Variants in UNC13C observed in about 807,000 individuals in gnomAD.
The protein encoded by UNC13C is protein unc-13 homolog C.
A neutral mutation model predicts 245.4 loss-of-function variants in UNC13C; 174 were observed. The ratio of observed to expected loss-of-function variants is 0.71; its 90% CI spans 0.63 to 0.80. The LOEUF is 0.80. Ranked by LOEUF, UNC13C falls within the 30% of genes least tolerant of loss-of-function variation. The pLI is 0.00. For synonymous variants in UNC13C, 992 were observed against 895.1 expected (o/e 1.11, Z -1.93); for missense variants, 2,829 against 2,602.9 (o/e 1.09, Z -1.89).
At chr15:54,474,072 C>G (rs960217378) in intron 19 of UNC13C, among the ~76,000 whole-genome samples, 1 of 151,898 alleles carries the variant, frequency 6.6e-6, no homozygotes, top group East Asian at 1.9e-4. Context: ...TCCATCTATC[C>G]ATTGATGAAA....
At chr15:54,606,392 C>T (rs749655698) in intron 30 of UNC13C, among the ~76,000 whole-genome samples, 3 of 152,144 alleles carry the variant, frequency 2.0e-5, no homozygotes, top group Admixed American at 6.5e-5. Flanking sequence ...CATATTTAAT[C>T]AGTAGATAAC....
chr15:54,098,634 A>G (rs1012354008), intron 2 of UNC13C, among the ~76,000 whole-genome samples: 1 of 152,196 alleles, frequency 6.6e-6, no homozygotes, highest in Admixed American at 6.5e-5. Context: ...AAGAAACACC[A>G]GCATAAGATA....
the UNC13C span, among the ~76,000 whole-genome samples, chr15:53,879,783 C>G: frequency 6.5e-4 from 99 of 152,218 alleles, no homozygotes; most frequent in African/African-American, 2.2e-3. Flanking sequence ...GATGGGGTTT[C>G]ACCATTTTGG....
chr15:53,848,500 T>C, the UNC13C span, among the ~76,000 whole-genome samples: 7 of 152,188 alleles, frequency 4.6e-5, no homozygotes, highest in Non-Finnish European at 1.0e-4. Flanking sequence ...TGAATTATTT[T>C]GTTCCTTTTA....
At position 54,442,216 on chromosome 15, in the gene UNC13C, T is replaced by C. The variant is rs182945382; in HGVS notation, c.4933+27149T>C. Among the ~76,000 whole-genome samples the C allele has an allele frequency of 2.6e-3, 396 of 151,320 alleles. 5 individuals are homozygous for C. Among genetic ancestry groups the C allele is most frequent in the South Asian group, 3.7e-3 (18 of 4,804 alleles). ...ACTTCCAGTACTAAATTGAATTGAATGAAATTAGGCATCTTTCACCACTTG... is the reference window on the plus strand; with the variant it reads ...ACTTCCAGTACTAAATTGAATTGAACGAAATTAGGCATCTTTCACCACTTG... On this transcript the variant is annotated intron_variant, in intron 19 of 32. Transcript: ENST00000260323.
In UNC13C at chr15:54,549,595, C is replaced by G. The variant is rs371781861; in HGVS notation, c.5821-40C>G. 6.8e-6 allele frequency: 10 copies of G among 1,468,014 alleles called. No individual in the cohort carries two copies. In the African/African-American group the frequency reaches 1.4e-4, roughly 21 times the overall value. The allele number at this position is 1,468,014 out of a possible 1,614,324, so 90.9% of individuals were successfully genotyped here. A position where few individuals can be genotyped will look rare whatever the true frequency, so the allele number is the denominator to read the frequency against. On this transcript the variant is annotated intron_variant, in intron 27 of 32. Transcript: ENST00000260323. ...TTCTATTGTGACTAATACTGAATAT[C>G]TTAAGACTGAGTCTTCTCTCACTTT... is the stretch of plus-strand genomic sequence containing the variant.
chr15:54,050,542 C>T (rs1167996166), intron 2 of UNC13C: 1 of 469,182 alleles, frequency 2.1e-6, no homozygotes, highest in African/African-American at 2.0e-5. Flanking sequence ...ATCATTCTAT[C>T]TTCCTGCAAG....
chr15:53,978,330 C>G (rs1429739818), upstream of UNC13C, among the ~76,000 whole-genome samples: 2 of 152,020 alleles, frequency 1.3e-5, no homozygotes, highest in Non-Finnish European at 2.9e-5. Context: ...CTCCTGTGAG[C>G]AGGGGCTGTA....
At chr15:54,205,393 C>T (rs1312439462) in intron 4 of UNC13C, among the ~76,000 whole-genome samples, 1 of 151,908 alleles carries the variant, frequency 6.6e-6, no homozygotes, top group Non-Finnish European at 1.5e-5. Context: ...TTTCTATAGG[C>T]GACAAGCTCA....
chr15:54,578,307 T>G (rs1026183116), intron 30 of UNC13C, among the ~76,000 whole-genome samples: 5 of 150,402 alleles, frequency 3.3e-5, no homozygotes, highest in Admixed American at 1.3e-4. Flanking sequence ...GTTTCTTTCA[T>G]TTTTTGTCAT....
intron 19 of UNC13C, among the ~76,000 whole-genome samples, chr15:54,476,232 C>A (rs961514708): frequency 7.3e-6 from 1 of 137,522 alleles, no homozygotes; most frequent in Admixed American, 7.3e-5. Context: ...GAGTAGGTTG[C>A]GAAAATTTTC....
Position 54,623,963 on chromosome 15 carries a change from T to C in UNC13C, c.6359+9T>C. The C allele has an allele frequency of 2.5e-6, 4 of 1,612,770 alleles. No homozygotes were observed. The South Asian group carries it at 4.4e-5, about 18-fold the overall frequency. On this transcript the variant is annotated intron_variant, in intron 32 of 32. Coordinates refer to ENST00000260323, the MANE Select transcript of UNC13C (RefSeq NM_001080534.3). ...AATGAAACATTTCAGTTGTAAGTCA[T>C]AAACCCACCTTACTTATTCTACCAG...
the UNC13C span, among the ~76,000 whole-genome samples, chr15:53,954,147 ATTTTACATACAGAATC>A: frequency 1.1e-4 from 17 of 152,326 alleles, no homozygotes; most frequent in South Asian, 1.0e-3. Context: ...TAGGTGCCCA[ATTTTACATACAGAATC>A]TCATTTAACA....
At chr15:54,199,347 G>T (rs1035719111) in intron 4 of UNC13C, among the ~76,000 whole-genome samples, 1 of 152,056 alleles carries the variant, frequency 6.6e-6, no homozygotes, top group African/African-American at 2.4e-5. Flanking sequence ...CAATAAACCT[G>T]GGAAATTCAT....
chr15:53,881,705 T>G, the UNC13C span, among the ~76,000 whole-genome samples: 1 of 152,232 alleles, frequency 6.6e-6, no homozygotes. Flanking sequence ...CTAGATTTTG[T>G]TACTTGTAGA....
At chr15:54,195,241 C>A (rs1987117) in intron 4 of UNC13C, among the ~76,000 whole-genome samples, 1 of 152,128 alleles carries the variant, frequency 6.6e-6, no homozygotes, top group Admixed American at 6.6e-5. Flanking sequence ...AGCCTACACT[C>A]TAAGAAGGAG....
chr15:54,372,081 G>A (rs1469927123), intron 17 of UNC13C, among the ~76,000 whole-genome samples: 2 of 152,048 alleles, frequency 1.3e-5, no homozygotes, highest in African/African-American at 4.8e-5. Context: ...ATAGCTAAGA[G>A]AGTAGATTTT....
chr15:54,040,066 C>T lies in UNC13C; in HGVS notation c.2983+24180C>T, dbSNP rs118015914. ...GGCCTTTACGCTCTTTCCTCATTACCTCTCCAAGCTCCTTTCTTGTTCTTA... is the reference window on the plus strand; with the variant it reads ...GGCCTTTACGCTCTTTCCTCATTACTTCTCCAAGCTCCTTTCTTGTTCTTA... On this transcript the variant is annotated intron_variant, in intron 2 of 32. Coordinates refer to ENST00000260323, the MANE Select transcript of UNC13C (RefSeq NM_001080534.3). Among the ~76,000 whole-genome samples the T allele has an allele frequency of 1.6e-4, 24 of 152,164 alleles. No homozygotes were observed. In the East Asian group the frequency reaches 4.7e-3, roughly 30 times the overall value.
chr15:54,606,317 T>C (rs908526524), intron 30 of UNC13C, among the ~76,000 whole-genome samples: 5 of 152,310 alleles, frequency 3.3e-5, no homozygotes, highest in East Asian at 3.9e-4. Flanking sequence ...CTTTGCAAGA[T>C]TTCACAAAAC....
Sources: gnomAD v4.1 joint callset for allele counts (sites outside exome capture counted in the v4.1 genomes callset) on GRCh38, gnomAD v4.1.1 for gene constraint, MANE v1.5 for transcripts, NCBI Gene and HGNC (gene_info 2026-07-23, HGNC 2026-07-21) for gene names.